The following SLC8A3 variants were observed in gnomAD, a reference collection of about 807,000 sequenced individuals.
The protein encoded by SLC8A3 is solute carrier family 8 member A3.
In SLC8A3, 37 loss-of-function variants were observed where a neutral mutation model predicts 65.4. The observed-to-expected ratio is 0.57, with a 90% CI of 0.44 to 0.74. The LOEUF (loss-of-function observed/expected upper bound fraction) is 0.74, where lower values mean the gene tolerates loss of function less well. Ranked by LOEUF, SLC8A3 falls within the 30% of genes least tolerant of loss-of-function variation. The pLI is 0.00. For synonymous variants in SLC8A3, 461 were observed against 444.5 expected (o/e 1.04, Z -0.47); for missense variants, 1,112 against 1,172.1 (o/e 0.95, Z 0.75).
At chr14:70,184,137 T>C (rs1882986934) in intron 1 of SLC8A3, among the ~76,000 whole-genome samples, 1 of 152,200 alleles carries the variant, frequency 6.6e-6, no homozygotes, top group Non-Finnish European at 1.5e-5. Flanking sequence ...TCGCTACCCA[T>C]GAGAGTCTGT....
intron 5 of SLC8A3, 130 bp from the exon 6 acceptor site, chr14:70,049,172 G>C (rs1439722604): frequency 1.1e-6 from 1 of 932,890 alleles, no homozygotes; most frequent in East Asian, 2.5e-5. Flanking sequence ...CTGGGCAGCT[G>C]GTGGGGGCCA....
chr14:70,086,593 G>A (rs1891462988), intron 2 of SLC8A3, among the ~76,000 whole-genome samples: 2 of 151,838 alleles, frequency 1.3e-5, no homozygotes, highest in East Asian at 1.9e-4. Flanking sequence ...TGGTAGAGAC[G>A]GAGTTTCGCC....
chr14:70,131,222 C>G (rs1405029017), intron 2 of SLC8A3, among the ~76,000 whole-genome samples: 1 of 149,322 alleles, frequency 6.7e-6, no homozygotes, highest in Non-Finnish European at 1.5e-5. Flanking sequence ...GCTTGGACTG[C>G]AGAAGGCCAA....
intron 2 of SLC8A3, chr14:70,080,030 C>T (rs777759152): frequency 2.4e-5 from 22 of 903,164 alleles, no homozygotes; most frequent in Middle Eastern, 5.7e-4. Context: ...GGTTGTCGTG[C>T]GGGTGACATG....
At chr14:70,151,708 T>C (rs1896288728) in intron 2 of SLC8A3, among the ~76,000 whole-genome samples, 1 of 152,214 alleles carries the variant, frequency 6.6e-6, no homozygotes, top group Non-Finnish European at 1.5e-5. Context: ...CCAACAGGTC[T>C]GGAGGCTAGA....
At chr14:70,153,314 G>T (rs938541025) in intron 2 of SLC8A3, among the ~76,000 whole-genome samples, 1 of 152,154 alleles carries the variant, frequency 6.6e-6, no homozygotes, top group Non-Finnish European at 1.5e-5. Flanking sequence ...ACCGGGTGCT[G>T]CTCTGGTCTA....
Position 70,158,541 on chromosome 14 carries a change from C to T in SLC8A3, c.1784+8098G>A, listed in dbSNP as rs376743444. Among the ~76,000 whole-genome samples the T allele has an allele frequency of 2.0e-5, 3 of 152,200 alleles. No homozygotes were observed. The East Asian group carries it at 5.8e-4, about 29-fold the overall frequency. On this transcript the variant is annotated intron_variant, in intron 2 of 6. Coordinates refer to ENST00000356921, the MANE Select transcript of SLC8A3 (RefSeq NM_182932.3). ...TATTTTGAAAGTACCAACTAAAGAA[C>T]CTACAATAGAGTGGTTTCTATACAC...
chr14:70,186,489 A>G (rs1883229199), intron 1 of SLC8A3, among the ~76,000 whole-genome samples: 1 of 152,236 alleles, frequency 6.6e-6, no homozygotes, highest in Admixed American at 6.5e-5. Flanking sequence ...TGTTGGAAGA[A>G]GAATAAAGCA....
In SLC8A3 at chr14:70,045,954, C is replaced by A; in HGVS notation, c.2759G>T (p.Gly920Val). Reference sequence around the variant, plus strand: ...GAGGCTCTGTTGTGTGGCTTAGAACCCCTTGATGTAGCAATAGGCCTCTAG... The same window carrying A: ...GAGGCTCTGTTGTGTGGCTTAGAACACCTTGATGTAGCAATAGGCCTCTAG... ...ATLEAYCYIK[G>V]F Residue 920 changes from glycine to valine, a missense_variant, in exon 7 of 7, where the codon GGG (glycine) becomes GTG (valine). Physicochemically the swap from Gly to Val is moderately radical, Grantham distance 109. Transcript: ENST00000356921. The A allele has an allele frequency of 6.3e-7, 1 of 1,591,878 alleles. No individual in the cohort carries two copies.
chr14:70,117,981 C>G (rs11158835), intron 2 of SLC8A3, among the ~76,000 whole-genome samples: 151,329 of 152,338 alleles, frequency 0.99, 75,169 homozygotes, highest in East Asian at 1. Flanking sequence ...CTGCCTTGCG[C>G]CTGACCCTGG....
At chr14:70,121,241 C>T (rs1005835870) in intron 2 of SLC8A3, among the ~76,000 whole-genome samples, 1 of 152,112 alleles carries the variant, frequency 6.6e-6, no homozygotes, top group African/African-American at 2.4e-5. Flanking sequence ...AGGCTCCCTA[C>T]GCCAGTCATT....
At chr14:70,162,589 T>A (rs1896954049) in intron 2 of SLC8A3, among the ~76,000 whole-genome samples, 1 of 152,304 alleles carries the variant, frequency 6.6e-6, no homozygotes, top group East Asian at 1.9e-4. Flanking sequence ...AGAGCTGCAA[T>A]AATCTGTTAT....
intron 2 of SLC8A3, among the ~76,000 whole-genome samples, chr14:70,086,511 C>T (rs1259234984): frequency 1.3e-5 from 2 of 150,764 alleles, no homozygotes; most frequent in East Asian, 3.9e-4. Context: ...AAGTGATTCT[C>T]CGGCCTCAGC....
At chr14:70,150,550 C>A (rs1175364948) in intron 2 of SLC8A3, among the ~76,000 whole-genome samples, 3 of 152,102 alleles carry the variant, frequency 2.0e-5, no homozygotes, top group African/African-American at 7.2e-5. Flanking sequence ...AGGAGGCAAA[C>A]CCGGACATGA....
intron 2 of SLC8A3, among the ~76,000 whole-genome samples, chr14:70,109,196 C>CT (rs61458322): frequency 0.5 from 68,597 of 136,534 alleles, 17,030 homozygotes; most frequent in Admixed American, 0.54. Context: ...GCAGAAGGTT[C>CT]TTTTTTTTTT....
intron 4 of SLC8A3, 84 bp downstream of exon 4, chr14:70,051,906 T>C (rs1887551176): frequency 6.0e-6 from 7 of 1,158,254 alleles, no homozygotes; most frequent in Non-Finnish European, 8.8e-6. Context: ...TATTCACTAG[T>C]GAAAGTGGAA....
intron 2 of SLC8A3, among the ~76,000 whole-genome samples, chr14:70,072,161 G>A (rs937569451): frequency 6.6e-6 from 1 of 152,194 alleles, no homozygotes; most frequent in Non-Finnish European, 1.5e-5. Flanking sequence ...ATTCTGAAAT[G>A]TCTGGGTTTA....
intron 2 of SLC8A3, among the ~76,000 whole-genome samples, chr14:70,076,972 G>A (rs983441027): frequency 3.3e-5 from 5 of 152,188 alleles, no homozygotes; most frequent in Admixed American, 6.5e-5. Flanking sequence ...CTTAATCTAA[G>A]ATGAGTGCAA....
intron 2 of SLC8A3, 62 bp downstream of exon 2, chr14:70,166,577 A>G (rs908313586): frequency 3.1e-6 from 3 of 964,302 alleles, no homozygotes; most frequent in African/African-American, 1.6e-5. Context: ...CAGTACAGAA[A>G]GACAGAAAGA....
Sources: allele counts gnomAD v4.1 joint callset (sites outside exome capture counted in the v4.1 genomes callset), GRCh38; gene constraint gnomAD v4.1.1; transcripts MANE v1.5; gene names NCBI Gene and HGNC (gene_info 2026-07-23, HGNC 2026-07-21).